Variants in CRYM observed in about 807,000 individuals in gnomAD.
CRYM encodes the protein crystallin mu, also known as ketimine reductase mu-crystallin.
A neutral mutation model predicts 32.9 loss-of-function variants in CRYM; 18 were observed. That is an observed-to-expected ratio of 0.55 (90% confidence interval 0.38 to 0.81). CRYM has a LOEUF of 0.81. Ranked by LOEUF, CRYM falls within the 30% of genes least tolerant of loss-of-function variation. CRYM has a pLI of 0.00. For synonymous variants in CRYM, 153 were observed against 152.4 expected (o/e 1.00, Z -0.03); for missense variants, 337 against 393.5 (o/e 0.86, Z 1.21).
At position 21,269,864 on chromosome 16, in the gene CRYM, G is replaced by A; in HGVS notation, c.415C>T (p.Leu139=). ...KFLKPPSSEV[L]CILGAGVQAY... Reference sequence around the variant, plus strand: ...TGGACCCCAGCCCCAAGGATGCACAGCACTTCACTGCTGGGAGGTTTCAGA... The same window carrying A: ...TGGACCCCAGCCCCAAGGATGCACAACACTTCACTGCTGGGAGGTTTCAGA... The change falls in exon 4 of 8, where the codon CTG becomes TTG. Residue 139 remains leucine (L), a synonymous_variant. Coordinates refer to ENST00000572914, the MANE Select transcript of CRYM (RefSeq NM_001376256.1). 1 of 1,574,240 alleles carries A rather than the reference G, an allele frequency of 6.4e-7. No individual in the cohort carries two copies. The highest frequency in any genetic ancestry group is 1.1e-5 in the South Asian group (1 of 90,510).
intron 3 of CRYM, among the ~76,000 whole-genome samples, chr16:21,271,082 A>G (rs1408499301): frequency 6.6e-6 from 1 of 152,144 alleles, no homozygotes. Flanking sequence ...GGGCTTCTCA[A>G]CCTCGGTACT....
chr16:21,278,324 C>A (rs1024682863), upstream of CRYM: 3 of 1,521,342 alleles, frequency 2.0e-6, no homozygotes, highest in Non-Finnish European at 8.8e-7. Flanking sequence ...CCTTTATGAG[C>A]GCGCCCGCTG....
At chr16:21,275,733 G>T in intron 2 of CRYM, 139 bp from the exon 3 acceptor site, 1 of 698,816 alleles carries the variant, frequency 1.4e-6, no homozygotes. Flanking sequence ...ACCTGGATCC[G>T]ATTCCTCCAC....
Position 21,278,180 on chromosome 16 carries a change from G to A in CRYM, c.72C>T (p.Ile24=). 2 of 1,553,392 alleles carry A rather than the reference G, an allele frequency of 1.3e-6. No homozygotes were observed. The highest frequency in any genetic ancestry group is 1.7e-6 in the Non-Finnish European group (2 of 1,149,038). Residue 24 remains isoleucine, a synonymous_variant, in exon 1 of 8, where the codon ATC becomes ATT. Transcript: ENST00000572914. ...TGGCCAGGGCCGTCTCTAGAGGCGGGATGAGGAGGCTGGAGCTGCGGAGGT... is the reference window on the plus strand; with the variant it reads ...TGGCCAGGGCCGTCTCTAGAGGCGGAATGAGGAGGCTGGAGCTGCGGAGGT... ...EEHLRSSSLL[I]PPLETALANF... is the part of the protein sequence containing the mutation.
rs200789314 is a variant in CRYM, at chr16:21,258,859, A to C, written c.881-14T>G. ...CCACTGCCATTCCTAGAATAGACAG[A>C]AATTTGGTTCGCCTTTGGTCAAAAC... On this transcript the variant is annotated splice_polypyrimidine_tract_variant and intron_variant, in intron 7 of 7. Coordinates refer to ENST00000572914, the MANE Select transcript of CRYM (RefSeq NM_001376256.1). 29 of 1,613,900 alleles carry C rather than the reference A, an allele frequency of 1.8e-5. No homozygotes were observed. The East Asian group carries it at 6.5e-4, about 36-fold the overall frequency.
intron 2 of CRYM, among the ~76,000 whole-genome samples, chr16:21,275,806 A>G (rs1332685870): frequency 3.3e-5 from 5 of 152,206 alleles, no homozygotes; most frequent in Admixed American, 2.0e-4. Context: ...CTCACCTGTA[A>G]AAAAGATAAT....
chr16:21,275,628 A>T lies in CRYM; in HGVS notation c.325-34T>A, dbSNP rs565173211. The T allele has an allele frequency of 2.8e-5, 43 of 1,513,868 alleles. 1 individual carries two copies. In the Admixed American group the frequency reaches 6.7e-4, roughly 24 times the overall value. 93.8% of individuals were successfully genotyped at this position (1,513,868 alleles called of 1,614,324 possible). A position where few individuals can be genotyped will look rare whatever the true frequency, so the allele number is the denominator to read the frequency against. On this transcript the variant is annotated intron_variant, in intron 2 of 7. Coordinates refer to ENST00000572914, the MANE Select transcript of CRYM (RefSeq NM_001376256.1). ...AAAAGAGAGACAGTGAGCAAGGGGA[A>T]CCCCTGTCCACTGCATAAATTAGAA...
At chr16:21,287,980 G>A (rs1359439211) in intron 1 of CRYM, among the ~76,000 whole-genome samples, 1 of 152,188 alleles carries the variant, frequency 6.6e-6, no homozygotes, top group African/African-American at 2.4e-5. Flanking sequence ...TAAAGCGGGT[G>A]CAATCTTGTG....
Position 21,262,052 on chromosome 16 carries a change from A to G in CRYM, c.780T>C (p.Asp260=). Residue 260 remains aspartate (D), a synonymous_variant, in exon 6 of 8, where the codon GAT becomes GAC. Coordinates refer to ENST00000572914, the MANE Select transcript of CRYM (RefSeq NM_001376256.1). The part of the protein sequence containing the change: ...SQEAALKESG[D]VLLSGAEIFA... ...AGGGCCTCACCCCTGACAGCAGGAC[A>G]TCTCCAGACTCCTTCAGGGCAGCCT... 1.2e-6 allele frequency: 2 copies of G among 1,614,026 alleles called. No individual in the cohort carries two copies. The highest frequency in any genetic ancestry group is 1.7e-6 in the Non-Finnish European group (2 of 1,179,954).
Position 21,269,855 on chromosome 16 carries a change from G to C in CRYM, c.424C>G (p.Leu142Val). 1 of 1,542,198 alleles carries C rather than the reference G, an allele frequency of 6.5e-7. No homozygotes were observed. The highest frequency in any genetic ancestry group is 8.8e-7 in the Non-Finnish European group (1 of 1,136,320). ...CTGTAGGCCTGGACCCCAGCCCCAA[G>C]GATGCACAGCACTTCACTGCTGGGA... ...KPPSSEVLCILGAGVQAYSHY... is the reference protein window; with the variant it reads ...KPPSSEVLCIVGAGVQAYSHY... Residue 142 changes from leucine to valine, a missense_variant, in exon 4 of 8, where the codon CTT (leucine) becomes GTT (valine). Coordinates refer to ENST00000572914, the MANE Select transcript of CRYM (RefSeq NM_001376256.1).
chr16:21,276,264 G>A (rs226042), intron 2 of CRYM, among the ~76,000 whole-genome samples: 1 of 152,022 alleles, frequency 6.6e-6, no homozygotes, highest in Non-Finnish European at 1.5e-5. Flanking sequence ...AGTGAATCAC[G>A]AAGTCACTGA....
intron 1 of CRYM, among the ~76,000 whole-genome samples, chr16:21,286,567 C>T (rs1470002685): frequency 6.6e-6 from 1 of 152,028 alleles, no homozygotes; most frequent in Non-Finnish European, 1.5e-5. Context: ...ATTTCTGTGG[C>T]ATACAATTTA....
intron 1 of CRYM, among the ~76,000 whole-genome samples, chr16:21,297,672 C>T (rs1364650699): frequency 1.3e-5 from 2 of 152,082 alleles, no homozygotes; most frequent in South Asian, 4.2e-4. Flanking sequence ...TAGAACCAAC[C>T]AGAGTGGGGA....
At chr16:21,260,293 T>A (rs2093351957) in intron 7 of CRYM, among the ~76,000 whole-genome samples, 1 of 150,540 alleles carries the variant, frequency 6.6e-6, no homozygotes, top group South Asian at 2.1e-4. Context: ...GTATCAGCTC[T>A]GTTCCCATGT....
chr16:21,281,618 G>C (rs1431506077), upstream of CRYM, among the ~76,000 whole-genome samples: 1 of 152,180 alleles, frequency 6.6e-6, no homozygotes, highest in Non-Finnish European at 1.5e-5. Context: ...CATAACTACA[G>C]CTTGATTGGA....
At chr16:21,293,196 T>G (rs1440933879) in intron 1 of CRYM, among the ~76,000 whole-genome samples, 1 of 152,232 alleles carries the variant, frequency 6.6e-6, no homozygotes, top group East Asian at 1.9e-4. Context: ...AGCTTGTGAT[T>G]ATTTGATACC....
At position 21,261,936 on chromosome 16, in the gene CRYM, A is replaced by C; in HGVS notation, c.795+101T>G. The stretch of plus-strand genomic sequence containing the variant: ...CCCCTACAAGGAGGTGGGGTGGCTG[A>C]GGTCTGGAGCAGACCAAACTGGAAG... On this transcript the variant is annotated intron_variant, in intron 6 of 7. Transcript: ENST00000572914. 2.1e-6 allele frequency: 3 copies of C among 1,445,440 alleles called. No homozygotes were observed. In the South Asian group the frequency reaches 3.5e-5, roughly 17 times the overall value. The allele number at this position is 1,445,440 out of a possible 1,614,324, so 89.5% of individuals were successfully genotyped here. A position where few individuals can be genotyped will look rare whatever the true frequency, so the allele number is the denominator to read the frequency against.
chr16:21,300,359 T>C (rs1399136025), intron 1 of CRYM: 1 of 152,026 alleles, frequency 6.6e-6, no homozygotes, highest in Non-Finnish European at 1.5e-5. Flanking sequence ...ATTGCTGTTG[T>C]TAAAGGTGTT....
chr16:21,271,445 T>C (rs1300174260), intron 3 of CRYM, among the ~76,000 whole-genome samples: 2 of 152,242 alleles, frequency 1.3e-5, no homozygotes, highest in Non-Finnish European at 2.9e-5. Flanking sequence ...TGGAGTATAA[T>C]ATTTAAAAAG....
Sources: gnomAD v4.1 joint callset for allele counts (sites outside exome capture counted in the v4.1 genomes callset) on GRCh38, gnomAD v4.1.1 for gene constraint, MANE v1.5 for transcripts, NCBI Gene and HGNC (gene_info 2026-07-23, HGNC 2026-07-21) for gene names.